The following RAP1A variants were observed in gnomAD, a reference collection of about 807,000 sequenced individuals.
RAP1A encodes the protein ras-related protein Rap-1A.
In RAP1A, 6 loss-of-function variants were observed where a neutral mutation model predicts 26.4. The observed-to-expected ratio is 0.23, with a 90% confidence interval of 0.12 to 0.45. The LOEUF is 0.45. RAP1A is among the 20% of genes least tolerant of loss of function. The probability of loss-of-function intolerance (pLI) is 0.99; values close to 1 mark genes in which losing one functional copy is unlikely to be tolerated. For synonymous variants in RAP1A, 73 were observed against 79.4 expected, an observed-to-expected ratio of 0.92 and a Z score of 0.43; for missense variants, 121 against 217.2, an observed-to-expected ratio of 0.56 and a Z score of 2.78.
intron 1 of RAP1A, among the ~76,000 whole-genome samples, chr1:111,587,115 C>G (rs530803793): frequency 6.6e-6 from 1 of 152,126 alleles, no homozygotes; most frequent in East Asian, 1.9e-4. Context: ...TTCCACCATT[C>G]TATGACATCC....
At chr1:111,616,359 T>C (rs954270352), upstream of RAP1A, among the ~76,000 whole-genome samples, 1 of 152,200 alleles carries the variant, frequency 6.6e-6, no homozygotes, top group Non-Finnish European at 1.5e-5. Flanking sequence ...TCCAAACCAA[T>C]GGTTCACATA....
intron 1 of RAP1A, among the ~76,000 whole-genome samples, chr1:111,585,107 A>C (rs906022229): frequency 6.6e-6 from 1 of 152,196 alleles, no homozygotes; most frequent in African/African-American, 2.4e-5. Flanking sequence ...TGGCTTCATC[A>C]ATTGGACAGG....
chr1:111,705,631 TTG>T (rs1236299048), intron 6 of RAP1A, among the ~76,000 whole-genome samples: 1 of 152,238 alleles, frequency 6.6e-6, no homozygotes, highest in Non-Finnish European at 1.5e-5. Context: ...TTATTGACTA[TTG>T]TGTGTCTGGC....
intron 1 of RAP1A, among the ~76,000 whole-genome samples, chr1:111,575,073 A>G (rs964533700): frequency 6.6e-6 from 1 of 152,238 alleles, no homozygotes; most frequent in Admixed American, 6.5e-5. Flanking sequence ...AAATGAATAA[A>G]TGAATTCCAG....
chr1:111,624,057 A>C (rs1381508760), intron 1 of RAP1A, among the ~76,000 whole-genome samples: 1 of 152,230 alleles, frequency 6.6e-6, no homozygotes, highest in Non-Finnish European at 1.5e-5. Flanking sequence ...ATTGGAATAC[A>C]TTTGAAATTG....
intron 1 of RAP1A, among the ~76,000 whole-genome samples, chr1:111,574,799 A>G (rs1030833853): frequency 1.3e-5 from 2 of 152,242 alleles, no homozygotes; most frequent in Non-Finnish European, 2.9e-5. Flanking sequence ...GGTTTTTGGG[A>G]AGCCAAATTC....
At chr1:111,600,508 TCTC>T (rs1386861429) in intron 1 of RAP1A, among the ~76,000 whole-genome samples, 2 of 152,192 alleles carry the variant, frequency 1.3e-5, no homozygotes, top group Non-Finnish European at 2.9e-5. Context: ...CTGTTTGTCT[TCTC>T]CTAGCCTCCC....
intron 1 of RAP1A, among the ~76,000 whole-genome samples, chr1:111,605,991 G>A (rs1442280997): frequency 3.9e-5 from 6 of 152,156 alleles, no homozygotes; most frequent in African/African-American, 7.2e-5. Flanking sequence ...TGTCACTGTC[G>A]TCACCAGGGG....
intron 1 of RAP1A, among the ~76,000 whole-genome samples, chr1:111,551,170 CAT>C (rs1033099795): frequency 1.3e-5 from 2 of 152,122 alleles, no homozygotes; most frequent in Admixed American, 6.6e-5. Context: ...ATAGTTGGAT[CAT>C]GTTTTTTTTT....
chr1:111,684,362 C>G (rs1483747277), intron 1 of RAP1A, among the ~76,000 whole-genome samples: 1 of 152,190 alleles, frequency 6.6e-6, no homozygotes, highest in Non-Finnish European at 1.5e-5. Flanking sequence ...CAAATTGTCT[C>G]TGCAGATGAC....
At chr1:111,677,044 T>A (rs938098583) in intron 1 of RAP1A, among the ~76,000 whole-genome samples, 1 of 152,322 alleles carries the variant, frequency 6.6e-6, no homozygotes, top group Middle Eastern at 3.4e-3. Context: ...TCCGCCTACC[T>A]CGGCCTCCCA....
chr1:111,551,929 A>G (rs533043745), intron 1 of RAP1A, among the ~76,000 whole-genome samples: 86 of 152,362 alleles, frequency 5.6e-4, no homozygotes, highest in African/African-American at 1.9e-3. Context: ...TTTCTTGAGC[A>G]TGTGAACAGT....
rs1571582483 is a variant in RAP1A, at chr1:111,714,377, T to C, written c.*1976T>C. 6.6e-6 allele frequency: 1 copy of C among 152,188 alleles called. No individual in the cohort carries two copies. Among genetic ancestry groups the C allele is most frequent in the East Asian group, 1.9e-4 (1 of 5,204 alleles). 9.4% of individuals were successfully genotyped at this position (152,188 alleles called of 1,614,324 possible). On this transcript the variant is annotated 3_prime_UTR_variant, in exon 8 of 8. Transcript: ENST00000369709. ...TTAAACTTAAGATCATAGACAGACA[T>C]CTCATCAACCAGTAAAACTTTCTAA...
chr1:111,605,787 A>G (rs1198120621), intron 1 of RAP1A, among the ~76,000 whole-genome samples: 4 of 152,348 alleles, frequency 2.6e-5, no homozygotes, highest in Middle Eastern at 3.4e-3. Flanking sequence ...TGGCTTGCTC[A>G]GATGCAATTT....
chr1:111,552,156 T>A (rs776046489), intron 1 of RAP1A, among the ~76,000 whole-genome samples: 3 of 152,204 alleles, frequency 2.0e-5, no homozygotes, highest in Admixed American at 6.5e-5. Flanking sequence ...CTGGGCAAGC[T>A]CTGAAACAAG....
At chr1:111,701,405 A>C (rs1172713268) in intron 4 of RAP1A, among the ~76,000 whole-genome samples, 3 of 152,174 alleles carry the variant, frequency 2.0e-5, no homozygotes, top group Non-Finnish European at 4.4e-5. Flanking sequence ...GTCTTTTAAA[A>C]TATAACTTTA....
At chr1:111,555,616 T>C (rs984595686) in intron 1 of RAP1A, among the ~76,000 whole-genome samples, 3 of 152,058 alleles carry the variant, frequency 2.0e-5, no homozygotes, top group Non-Finnish European at 4.4e-5. Context: ...GAGGTATGTA[T>C]GTATCTATTC....
At chr1:111,662,632 C>T (rs896534326) in intron 1 of RAP1A, among the ~76,000 whole-genome samples, 1 of 151,988 alleles carries the variant, frequency 6.6e-6, no homozygotes, top group African/African-American at 2.4e-5. Flanking sequence ...TAATAAACAG[C>T]GATTCTAATA....
rs892086651 is a variant in RAP1A, at chr1:111,712,411, A to G, written c.*30-20A>G. ...AGAGATTAACCATACATATATGTAT[A>G]TCTGTATCCAATGTCTTAGATTACA... On this transcript the variant is annotated intron_variant, in intron 7 of 7. Transcript: ENST00000369709. 2 of 152,544 alleles carry G rather than the reference A, an allele frequency of 1.3e-5. No homozygotes were observed. Among genetic ancestry groups the G allele is most frequent in the Admixed American group, 6.5e-5 (1 of 15,278 alleles). 9.4% of individuals were successfully genotyped at this position (152,544 alleles called of 1,614,324 possible). A position where few individuals can be genotyped will look rare whatever the true frequency, so the allele number is the denominator to read the frequency against.
Sources: allele counts gnomAD v4.1 joint callset (sites outside exome capture counted in the v4.1 genomes callset), GRCh38; gene constraint gnomAD v4.1.1; transcripts MANE v1.5; gene names NCBI Gene and HGNC (gene_info 2026-07-23, HGNC 2026-07-21).